Variants in SNTG1 observed in about 807,000 individuals in gnomAD.
SNTG1 encodes syntrophin gamma 1, also known as gamma-1-syntrophin.
In SNTG1, 39 loss-of-function variants were observed where a neutral mutation model predicts 74.7. The ratio of observed to expected loss-of-function variants is 0.52; its 90% CI spans 0.40 to 0.68. The LOEUF is 0.68. SNTG1 is among the 30% of genes least tolerant of loss of function. The pLI is 0.00. For synonymous variants in SNTG1, 254 were observed against 217.1 expected (o/e 1.17, Z -1.49); for missense variants, 685 against 609.5 (o/e 1.12, Z -1.30).
intron 12 of SNTG1, among the ~76,000 whole-genome samples, chr8:50,578,214 A>G (rs2094587782): frequency 6.6e-6 from 1 of 152,220 alleles, no homozygotes; most frequent in Admixed American, 6.5e-5. Context: ...AGAGAAAGTC[A>G]CCAGACATTC....
chr8:50,559,853 C>T (rs1262940442), intron 12 of SNTG1, among the ~76,000 whole-genome samples: 2 of 152,068 alleles, frequency 1.3e-5, no homozygotes, highest in African/African-American at 4.8e-5. Flanking sequence ...GCAATTGCAA[C>T]AAAAGCAAAA....
At chr8:50,013,550 T>A (rs1816028809) in intron 1 of SNTG1, among the ~76,000 whole-genome samples, 1 of 151,904 alleles carries the variant, frequency 6.6e-6, no homozygotes, top group South Asian at 2.1e-4. Flanking sequence ...TATATACATA[T>A]ATATGGCTCT....
At chr8:50,665,752 A>C (rs2095247908) in intron 15 of SNTG1, among the ~76,000 whole-genome samples, 1 of 152,298 alleles carries the variant, frequency 6.6e-6, no homozygotes, top group South Asian at 2.1e-4. Context: ...TCTGGGATAA[A>C]ATAAATGTTA....
intron 2 of SNTG1, among the ~76,000 whole-genome samples, chr8:50,251,320 A>G (rs1181813780): frequency 1.3e-5 from 2 of 152,018 alleles, no homozygotes; most frequent in Non-Finnish European, 2.9e-5. Context: ...AAAAAGAAAC[A>G]AAATATCTAC....
chr8:50,677,669 C>T (rs2095314643), intron 15 of SNTG1, among the ~76,000 whole-genome samples: 1 of 151,932 alleles, frequency 6.6e-6, no homozygotes, highest in South Asian at 2.1e-4. Context: ...CCTTATATTA[C>T]TGTTTTAAAA....
At position 50,446,753 on chromosome 8, in the gene SNTG1, A is replaced by T. The variant is rs571518696; in HGVS notation, c.220-2915A>T. Among the ~76,000 whole-genome samples, 92 of 152,336 alleles carry T rather than the reference A, an allele frequency of 6.0e-4. 1 individual carries two copies. The highest frequency in any genetic ancestry group is 2.5e-3 in the Admixed American group (38 of 15,296). On this transcript the variant is annotated intron_variant, in intron 5 of 18. Coordinates refer to ENST00000642720, the MANE Select transcript of SNTG1 (RefSeq NM_018967.5). ...ATTCAAATTTCAGGATAAATTTTAC[A>T]TATAAGAGAAAAACTGTGGTAAAAT... is the stretch of plus-strand genomic sequence containing the variant.
chr8:50,325,382 A>C (rs1283113775), intron 2 of SNTG1, among the ~76,000 whole-genome samples: 2 of 152,000 alleles, frequency 1.3e-5, no homozygotes, highest in African/African-American at 4.8e-5. Context: ...AGTTGTTTTT[A>C]AATTAATTTC....
chr8:50,132,137 CA>C (rs2081337811), intron 1 of SNTG1, among the ~76,000 whole-genome samples: 1 of 152,068 alleles, frequency 6.6e-6, no homozygotes, highest in Non-Finnish European at 1.5e-5. Context: ...TATTCTTGCT[CA>C]AAATTGCTTT....
chr8:50,386,496 T>G (rs1368397194), intron 2 of SNTG1, among the ~76,000 whole-genome samples: 1 of 152,094 alleles, frequency 6.6e-6, no homozygotes, highest in African/African-American at 2.4e-5. Context: ...CTTCTTTATG[T>G]GGCCCGACTT....
chr8:50,704,835 A>C, intron 16 of SNTG1, 83 bp downstream of exon 16: 1 of 1,479,150 alleles, frequency 6.8e-7, no homozygotes, highest in South Asian at 1.3e-5. Flanking sequence ...ATTCCAAAGT[A>C]GTGTAAAAAT....
At chr8:50,290,551 G>A (rs979527756) in intron 2 of SNTG1, among the ~76,000 whole-genome samples, 20 of 152,182 alleles carry the variant, frequency 1.3e-4, no homozygotes, top group South Asian at 4.2e-4. Flanking sequence ...TGCAGTTTCC[G>A]AAGAGTTTTA....
intron 2 of SNTG1, among the ~76,000 whole-genome samples, chr8:50,253,465 A>G (rs1204786869): frequency 2.6e-5 from 4 of 152,000 alleles, no homozygotes; most frequent in Non-Finnish European, 5.9e-5. Flanking sequence ...TAGAGCTACC[A>G]TATGAGCCAT....
intron 13 of SNTG1, among the ~76,000 whole-genome samples, chr8:50,645,839 T>C (rs2095105656): frequency 6.6e-6 from 1 of 152,098 alleles, no homozygotes; most frequent in Non-Finnish European, 1.5e-5. Flanking sequence ...TTGATACTGC[T>C]GGGATTCTCT....
chr8:50,079,747 T>C (rs1262624208), intron 1 of SNTG1, among the ~76,000 whole-genome samples: 1 of 152,206 alleles, frequency 6.6e-6, no homozygotes, highest in Non-Finnish European at 1.5e-5. Context: ...TGTATAAGTA[T>C]AAGAAAGGGG....
intron 2 of SNTG1, among the ~76,000 whole-genome samples, chr8:50,362,694 T>C (rs1405814188): frequency 2.0e-5 from 3 of 152,282 alleles, no homozygotes; most frequent in Non-Finnish European, 2.9e-5. Flanking sequence ...AAGCTACTTA[T>C]GTTTATTAGG....
At chr8:50,662,609 AT>A (rs2095230013) in intron 15 of SNTG1, among the ~76,000 whole-genome samples, 1 of 152,230 alleles carries the variant, frequency 6.6e-6, no homozygotes, top group Admixed American at 6.5e-5. Flanking sequence ...GCTCTTGCAC[AT>A]GATACTACAC....
At position 50,734,268 on chromosome 8, in the gene SNTG1, G is replaced by A. The variant is rs142788599; in HGVS notation, c.1285-17733G>A. On this transcript the variant is annotated intron_variant, in intron 17 of 18. Transcript: ENST00000642720. ...ATTTATACAGAGACTATTGCTTCTC[G>A]GCCTTTTGGCTAAGATCAAGTGTAG... is the stretch of plus-strand genomic sequence containing the variant. Among the ~76,000 whole-genome samples, 307 of 151,656 alleles carry A rather than the reference G, an allele frequency of 2.0e-3. 1 individual carries two copies. The highest frequency in any genetic ancestry group is 7.0e-3 in the African/African-American group (291 of 41,452).
intron 1 of SNTG1, among the ~76,000 whole-genome samples, chr8:49,958,662 A>G (rs894847327): frequency 7.2e-5 from 11 of 151,766 alleles, no homozygotes; most frequent in Non-Finnish European, 1.5e-4. Context: ...CTCGTGATCC[A>G]CCCGCCTTGG....
intron 2 of SNTG1, among the ~76,000 whole-genome samples, chr8:50,376,306 T>C (rs1327690834): frequency 2.0e-5 from 3 of 152,180 alleles, no homozygotes; most frequent in Non-Finnish European, 2.9e-5. Flanking sequence ...AACCAGACTC[T>C]TGCTATTCAG....
Sources: gnomAD v4.1 joint callset for allele counts (sites outside exome capture counted in the v4.1 genomes callset) on GRCh38, gnomAD v4.1.1 for gene constraint, MANE v1.5 for transcripts, NCBI Gene and HGNC (gene_info 2026-07-23, HGNC 2026-07-21) for gene names.